The following SULF1 variants were observed in gnomAD, a reference collection of about 807,000 sequenced individuals.
SULF1 encodes the protein extracellular sulfatase Sulf-1.
In SULF1, 46 loss-of-function variants were observed where a neutral mutation model predicts 110.5. The observed-to-expected ratio is 0.42, with a 90% CI of 0.33 to 0.53. The LOEUF (loss-of-function observed/expected upper bound fraction) is 0.53, where lower values mean the gene tolerates loss of function less well. Ranked by LOEUF, SULF1 falls within the 20% of genes least tolerant of loss-of-function variation. The pLI, the probability that SULF1 is intolerant of heterozygous loss-of-function variation, is 0.12. For synonymous variants in SULF1, 371 were observed against 387.1 expected, an observed-to-expected ratio of 0.96 and a Z score of 0.49; for missense variants, 941 against 1,094.2, an observed-to-expected ratio of 0.86 and a Z score of 1.98.
chr8:69,603,123 A>G, intron 10 of SULF1, 69 bp from the exon 11 acceptor site: 1 of 1,600,628 alleles, frequency 6.2e-7, no homozygotes, highest in South Asian at 1.1e-5. Flanking sequence ...ACTGCTGTAG[A>G]AAAAGCAGCC....
At chr8:69,572,859 G>C (rs997220671) in intron 5 of SULF1, among the ~76,000 whole-genome samples, 1 of 152,072 alleles carries the variant, frequency 6.6e-6, no homozygotes, top group African/African-American at 2.4e-5. Flanking sequence ...ACAGAGTCTC[G>C]CTTTGTCCCC....
chr8:69,468,813 G>A (rs1586180832), intron 1 of SULF1, among the ~76,000 whole-genome samples: 2 of 152,184 alleles, frequency 1.3e-5, no homozygotes, highest in African/African-American at 4.8e-5. Context: ...CCTCCTCACA[G>A]ATCGGATTTT....
At chr8:69,498,080 A>C (rs1449840648) in intron 2 of SULF1, among the ~76,000 whole-genome samples, 1 of 150,800 alleles carries the variant, frequency 6.6e-6, no homozygotes, top group African/African-American at 2.4e-5. Context: ...ACTGAGACTC[A>C]TGAGTGCTCT....
At chr8:69,621,787 T>C (rs1030163544) in intron 14 of SULF1, among the ~76,000 whole-genome samples, 1 of 152,220 alleles carries the variant, frequency 6.6e-6, no homozygotes, top group African/African-American at 2.4e-5. Flanking sequence ...CTAGTTGCAT[T>C]CAGTATGAAA....
chr8:69,505,781 C>T (rs1010983495), intron 3 of SULF1, among the ~76,000 whole-genome samples: 2 of 151,988 alleles, frequency 1.3e-5, no homozygotes, highest in Non-Finnish European at 2.9e-5. Flanking sequence ...CTTTGTGATT[C>T]CCCTTACATA....
chr8:69,562,533 A>G (rs1170226965), intron 3 of SULF1, among the ~76,000 whole-genome samples: 1 of 152,144 alleles, frequency 6.6e-6, no homozygotes, highest in East Asian at 1.9e-4. Context: ...ATGTTCCCTC[A>G]TGACATATGA....
chr8:69,531,896 G>T (rs1157198057), intron 3 of SULF1, among the ~76,000 whole-genome samples: 1 of 152,040 alleles, frequency 6.6e-6, no homozygotes, highest in South Asian at 2.1e-4. Flanking sequence ...TTACATACGC[G>T]GCCACCCCTC....
intron 5 of SULF1, among the ~76,000 whole-genome samples, chr8:69,573,959 T>C (rs1265006669): frequency 6.6e-6 from 1 of 152,106 alleles, no homozygotes; most frequent in Non-Finnish European, 1.5e-5. Context: ...CTTCTTAGGG[T>C]CGCTCTGTGT....
intron 22 of SULF1, among the ~76,000 whole-genome samples, chr8:69,658,118 T>A (rs1477856763): frequency 1.3e-5 from 2 of 152,218 alleles, no homozygotes; most frequent in Admixed American, 6.5e-5. Context: ...AGTAATGATT[T>A]TATCATACAA....
At position 69,550,647 on chromosome 8, in the gene SULF1, G is replaced by A. The variant is rs567946445; in HGVS notation, c.-133-12892G>A. Among the ~76,000 whole-genome samples, 8 of 152,248 alleles carry A rather than the reference G, an allele frequency of 5.3e-5. No homozygotes were observed. In the South Asian group the frequency reaches 8.3e-4, roughly 16 times the overall value. ...ACCCTTTCGGTTGTGCCCAGATCCC[G>A]GCACTAGTCCACGTGGTGCTGGAAG... On this transcript the variant is annotated intron_variant, in intron 3 of 22. Transcript: ENST00000402687.
At chr8:69,556,297 A>T (rs1815113684) in intron 3 of SULF1, among the ~76,000 whole-genome samples, 1 of 152,284 alleles carries the variant, frequency 6.6e-6, no homozygotes, top group South Asian at 2.1e-4. Flanking sequence ...GGGCCACAAG[A>T]CTAGTCTCAT....
At chr8:69,494,191 T>C (rs2704036) in intron 1 of SULF1, among the ~76,000 whole-genome samples, 118,327 of 152,158 alleles carry the variant, frequency 0.78, 46,263 homozygotes, top group East Asian at 0.88. Context: ...GTGATTCATT[T>C]GTAAGGCTTT....
rs1190527267 is a variant in SULF1, at chr8:69,500,248, C to T, written c.-228-1626C>T. On this transcript the variant is annotated intron_variant, in intron 2 of 22. Coordinates refer to ENST00000402687, the MANE Select transcript of SULF1 (RefSeq NM_001128205.2). ...ATTGAACCCTTATTTTGTGCTAGGTCGTCTTGCAAGTTTTTCACATGAATG... is the reference window on the plus strand; with the variant it reads ...ATTGAACCCTTATTTTGTGCTAGGTTGTCTTGCAAGTTTTTCACATGAATG... Among the ~76,000 whole-genome samples the T allele has an allele frequency of 4.6e-5, 7 of 152,264 alleles. No homozygotes were observed. The East Asian group carries it at 7.7e-4, about 17-fold the overall frequency.
upstream of SULF1, among the ~76,000 whole-genome samples, chr8:69,490,950 A>C (rs1264970229): frequency 6.6e-6 from 1 of 152,240 alleles, no homozygotes; most frequent in Non-Finnish European, 1.5e-5. Context: ...CTTGAACTAC[A>C]AATTTGCAGT....
intron 9 of SULF1, 49 bp from the exon 10 acceptor site, chr8:69,601,605 T>A: frequency 6.6e-7 from 1 of 1,521,296 alleles, no homozygotes; most frequent in Admixed American, 2.0e-5. Context: ...TTGAGCATCA[T>A]CTTATACCAG....
At chr8:69,563,399 C>G (rs1815648065) in intron 3 of SULF1, 140 bp from the exon 4 acceptor site, 1 of 152,238 alleles carries the variant, frequency 6.6e-6, no homozygotes, top group Admixed American at 6.5e-5. Context: ...TTCTGTTCCT[C>G]CCTTTTGGAG....
intron 3 of SULF1, among the ~76,000 whole-genome samples, chr8:69,504,957 T>G (rs1169744728): frequency 6.6e-6 from 1 of 152,222 alleles, no homozygotes; most frequent in South Asian, 2.1e-4. Flanking sequence ...CTGTGCATTT[T>G]TGATTGCCTC....
chr8:69,555,844 A>G (rs1815078477), intron 3 of SULF1, among the ~76,000 whole-genome samples: 1 of 152,216 alleles, frequency 6.6e-6, no homozygotes, highest in African/African-American at 2.4e-5. Flanking sequence ...CCTTCAAAAC[A>G]TAAATATACC....
At chr8:69,542,782 A>G (rs1813950688) in intron 3 of SULF1, among the ~76,000 whole-genome samples, 1 of 152,200 alleles carries the variant, frequency 6.6e-6, no homozygotes, top group Non-Finnish European at 1.5e-5. Flanking sequence ...GTTTGGGAGA[A>G]GCGTGATAGA....
Sources: allele counts gnomAD v4.1 joint callset (sites outside exome capture counted in the v4.1 genomes callset), GRCh38; gene constraint gnomAD v4.1.1; transcripts MANE v1.5; gene names NCBI Gene and HGNC (gene_info 2026-07-23, HGNC 2026-07-21).